Variants in ABITRAM observed in about 807,000 individuals in gnomAD.
The protein encoded by ABITRAM is actin binding transcription modulator, also known as protein Abitram.
ABITRAM carries 19 observed loss-of-function variants against 22.9 expected under a neutral mutation model. The observed-to-expected ratio is 0.83, with a 90% CI of 0.58 to 1.22. ABITRAM has a LOEUF of 1.22. ABITRAM is among the 50% of genes most tolerant of loss of function. ABITRAM has a pLI of 0.00. For synonymous variants in ABITRAM, 70 were observed against 73.9 expected, an observed-to-expected ratio of 0.95 and a Z score of 0.27; for missense variants, 215 against 220.2, an observed-to-expected ratio of 0.98 and a Z score of 0.15.
chr9:108,936,168 C>A, intron 2 of ABITRAM, 140 bp from the exon 3 acceptor site: 1 of 845,132 alleles, frequency 1.2e-6, no homozygotes, highest in Non-Finnish European at 1.8e-6. Context: ...AGTTATGCCC[C>A]AATAGTAGCC....
chr9:108,942,355 G>T (rs1830268534), downstream of ABITRAM, among the ~76,000 whole-genome samples: 1 of 152,184 alleles, frequency 6.6e-6, no homozygotes, highest in African/African-American at 2.4e-5. Context: ...ACAGGTTTAA[G>T]GAAAACCCTG....
chr9:108,942,874 G>A (rs768729008), downstream of ABITRAM: 4 of 1,602,532 alleles, frequency 2.5e-6, no homozygotes, highest in Non-Finnish European at 3.4e-6. Flanking sequence ...GTTTCACTCT[G>A]AAAAAAAAAT....
chr9:108,945,628 G>GTTTTT, downstream of ABITRAM, among the ~76,000 whole-genome samples: 1 of 140,404 alleles, frequency 7.1e-6, no homozygotes, highest in African/African-American at 2.7e-5. Flanking sequence ...TGCCCCGCTA[G>GTTTTT]TTTTTTTTTT....
intron 3 of ABITRAM, 117 bp downstream of exon 3, chr9:108,936,554 G>C: frequency 8.6e-7 from 1 of 1,160,964 alleles, no homozygotes; most frequent in African/African-American, 1.5e-5. Context: ...CTAGCAGTTT[G>C]AGGTGCTAAT....
In ABITRAM at chr9:108,940,634, C is replaced by T. The variant is rs528276104; in HGVS notation, c.*948C>T. The T allele has an allele frequency of 6.6e-6, 1 of 152,116 alleles. No homozygotes were observed. The highest frequency in any genetic ancestry group is 2.1e-4 in the South Asian group (1 of 4,824). The allele number at this position is 152,116 out of a possible 1,614,324, so 9.4% of individuals were successfully genotyped here. A position where few individuals can be genotyped will look rare whatever the true frequency, so the allele number is the denominator to read the frequency against. Reference sequence around the variant, plus strand: ...GGCTATGAAAAATACAAAGGCTTTCCTAGGAAATGTGTTATAATGCAGCGG... The same window carrying T: ...GGCTATGAAAAATACAAAGGCTTTCTTAGGAAATGTGTTATAATGCAGCGG... On this transcript the variant is annotated 3_prime_UTR_variant, in exon 6 of 6. Coordinates refer to ENST00000322940, the MANE Select transcript of ABITRAM (RefSeq NM_017832.4).
At position 108,939,849 on chromosome 9, in the gene ABITRAM, T is replaced by C. The variant is rs1830235646; in HGVS notation, c.*163T>C. The C allele has an allele frequency of 1.3e-6, 1 of 775,916 alleles. No homozygotes were observed. Among genetic ancestry groups the C allele is most frequent in the Non-Finnish European group, 2.0e-6 (1 of 501,368 alleles). The allele number at this position is 775,916 out of a possible 1,614,324, so 48.1% of individuals were successfully genotyped here. A position where few individuals can be genotyped will look rare whatever the true frequency, so the allele number is the denominator to read the frequency against. On this transcript the variant is annotated 3_prime_UTR_variant, in exon 6 of 6. Transcript: ENST00000322940. The stretch of plus-strand genomic sequence containing the variant: ...TAGTTTTCCCTCTCTGTCTTCATAA[T>C]GAGCCTTGGTTCCCATTTGTCTACA...
At chr9:108,945,486 G>T, downstream of ABITRAM, among the ~76,000 whole-genome samples, 1 of 145,868 alleles carries the variant, frequency 6.9e-6, no homozygotes, top group African/African-American at 2.5e-5. Context: ...TTTTGAGACA[G>T]GGTCTCACTC....
chr9:108,934,623 C>G (rs945007549), intron 1 of ABITRAM, 58 bp downstream of exon 1: 1 of 1,486,660 alleles, frequency 6.7e-7, no homozygotes, highest in African/African-American at 1.4e-5. Flanking sequence ...GCTGTGTAGA[C>G]TATGTTGACA....
At position 108,934,420 on chromosome 9, in the gene ABITRAM, C is replaced by T. The variant is rs1347797212; in HGVS notation, c.-67C>T. 3 of 1,412,724 alleles carry T rather than the reference C, an allele frequency of 2.1e-6. No homozygotes were observed. The highest frequency in any genetic ancestry group is 2.9e-6 in the Non-Finnish European group (3 of 1,045,180). 87.5% of individuals were successfully genotyped at this position (1,412,724 alleles called of 1,614,324 possible). A position where few individuals can be genotyped will look rare whatever the true frequency, so the allele number is the denominator to read the frequency against. On this transcript the variant is annotated 5_prime_UTR_variant, in exon 1 of 6. Transcript: ENST00000322940. ...GCGCTGTGCGCCGGAAGAGCACGCC[C>T]AGTCCGGGCTGCGCGGAGGAAGCGC...
chr9:108,942,184 A>ACTT (rs2132070363), downstream of ABITRAM, among the ~76,000 whole-genome samples: 1 of 152,234 alleles, frequency 6.6e-6, no homozygotes, highest in African/African-American at 2.4e-5. Context: ...CCATTACCTT[A>ACTT]CTTTTGGGAG....
intron 1 of ABITRAM, among the ~76,000 whole-genome samples, chr9:108,934,804 C>T (rs550981548): frequency 6.6e-6 from 1 of 152,286 alleles, no homozygotes; most frequent in East Asian, 1.9e-4. Context: ...TAGGGTGTTG[C>T]TCGCAGTAAG....
intron 2 of ABITRAM, 64 bp from the exon 3 acceptor site, chr9:108,936,244 T>A (rs1024108048): frequency 6.4e-7 from 1 of 1,558,896 alleles, no homozygotes; most frequent in African/African-American, 1.4e-5. Flanking sequence ...CTTGTTCCAA[T>A]AGGAGTTATG....
chr9:108,935,533 T>G, intron 1 of ABITRAM, 105 bp from the exon 2 acceptor site: 1 of 836,872 alleles, frequency 1.2e-6, no homozygotes, highest in Non-Finnish European at 2.0e-6. Context: ...GCATGCAGCA[T>G]GTATGTGTCC....
chr9:108,948,397 T>C (rs1439631648), intron 3 of ABITRAM, among the ~76,000 whole-genome samples: 4 of 152,234 alleles, frequency 2.6e-5, no homozygotes, highest in African/African-American at 7.2e-5. Context: ...AAAGCAACTT[T>C]AATATTTGAC....
In ABITRAM at chr9:108,935,708, T is replaced by C. The variant is rs1264178970; in HGVS notation, c.131+19T>C. On this transcript the variant is annotated intron_variant, in intron 2 of 5. Transcript: ENST00000322940. ...CTAACCGGTAAGCAAATTGGGAATT[T>C]TAAATTATCAAAAATTTTTTTTTCC... 6.2e-7 allele frequency: 1 copy of C among 1,606,480 alleles called. No homozygotes were observed. The highest frequency in any genetic ancestry group is 8.5e-7 in the Non-Finnish European group (1 of 1,173,906).
Position 108,939,449 on chromosome 9 carries a change from GA to G in ABITRAM, c.407del (p.Lys136SerfsTer21). ...CCTCCATAAGCCATCTATTCTTCAAGAAAAGGTAAAAGAGAGAGAAAAAATA... is the reference window on the plus strand; with the variant it reads ...CCTCCATAAGCCATCTATTCTTCAAGAAAGGTAAAAGAGAGAGAAAAAATA... ...NILHKPSILQ[E>X]KPSTEGYIAV... On this transcript the variant is annotated frameshift_variant, in exon 5 of 6. Transcript: ENST00000322940. LOFTEE classifies it high-confidence loss of function. 6.2e-7 allele frequency: 1 copy of G among 1,609,436 alleles called. No homozygotes were observed. The highest frequency in any genetic ancestry group is 1.1e-5 in the South Asian group (1 of 89,560).
At chr9:108,943,630 G>T, downstream of ABITRAM, 1 of 1,300,190 alleles carries the variant, frequency 7.7e-7, no homozygotes, top group Non-Finnish European at 1.1e-6. Context: ...GGTACTAACA[G>T]TTTATTTGAA....
chr9:108,943,926 ACCAC>A, downstream of ABITRAM: 1 of 1,606,926 alleles, frequency 6.2e-7, no homozygotes, highest in Non-Finnish European at 8.5e-7. Flanking sequence ...TATACATAAT[ACCAC>A]CACCAGCTCC....
intron 2 of ABITRAM, chr9:108,936,040 C>T (rs1830182024): frequency 2.0e-6 from 1 of 502,772 alleles, no homozygotes; most frequent in Non-Finnish European, 3.6e-6. Context: ...ACAGGCATGC[C>T]TTATTTCTTT....
Sources: allele counts gnomAD v4.1 joint callset (sites outside exome capture counted in the v4.1 genomes callset), GRCh38; gene constraint gnomAD v4.1.1; transcripts MANE v1.5; gene names NCBI Gene and HGNC (gene_info 2026-07-23, HGNC 2026-07-21).